The following NUP54 variants were observed in gnomAD, a reference collection of about 807,000 sequenced individuals.
NUP54 encodes nucleoporin 54.
In NUP54, 27 loss-of-function variants were observed where a neutral mutation model predicts 66.4. The ratio of observed to expected loss-of-function variants is 0.41; its 90% CI spans 0.30 to 0.56. The LOEUF (loss-of-function observed/expected upper bound fraction) is 0.56, where lower values mean the gene tolerates loss of function less well. Ranked by LOEUF, NUP54 falls within the 20% of genes least tolerant of loss-of-function variation. The pLI, the probability that NUP54 is intolerant of heterozygous loss-of-function variation, is 0.34. For missense variants in NUP54, 486 were observed against 596.3 expected, an observed-to-expected ratio of 0.82 and a Z score of 1.93; for synonymous variants, 206 against 210.7, an observed-to-expected ratio of 0.98 and a Z score of 0.19.
In NUP54 at chr4:76,136,446, A is replaced by G. The variant is rs535966364; in HGVS notation, c.296-34T>C. 7.8e-6 allele frequency: 12 copies of G among 1,545,890 alleles called. No individual in the cohort carries two copies. The African/African-American group carries it at 1.2e-4, about 16-fold the overall frequency. On this transcript the variant is annotated intron_variant, in intron 3 of 11. Transcript: ENST00000264883. ...GTACCCAAAATTAGTATTTAAAAAC[A>G]AAACAAAACAAAACTTAATCCAGAT... is the stretch of plus-strand genomic sequence containing the variant.
chr4:76,147,481 G>A, intron 1 of NUP54: 1 of 1,289,348 alleles, frequency 7.8e-7, no homozygotes, highest in Non-Finnish European at 1.0e-6. Context: ...GTATCTACCT[G>A]CACTTGCCAG....
At position 76,118,104 on chromosome 4, in the gene NUP54, C is replaced by T. The variant is rs765872679; in HGVS notation, c.1255G>A (p.Gly419Ser). 1.9e-6 allele frequency: 3 copies of T among 1,613,832 alleles called. No homozygotes were observed. Among genetic ancestry groups the T allele is most frequent in the Non-Finnish European group, 2.5e-6 (3 of 1,179,876 alleles). Residue 419 changes from glycine to serine, a missense_variant, in exon 10 of 12, where the codon GGT becomes AGT. Transcript: ENST00000264883. ...AACTGAGTAGGTGCATTTAGTTCAC[C>T]CTGAATCGTATCCAGCTGAACTCGC... ...QLRVQLDTIQ[G>S]ELNAPTQFKG...
intron 8 of NUP54, among the ~76,000 whole-genome samples, chr4:76,129,885 A>C (rs944128774): frequency 5.4e-5 from 6 of 111,182 alleles, no homozygotes; most frequent in African/African-American, 3.0e-5. Context: ...AAAAAAAAAA[A>C]AAACCTTAGC....
At chr4:76,143,475 G>T (rs1731352376) in intron 3 of NUP54, among the ~76,000 whole-genome samples, 1 of 152,144 alleles carries the variant, frequency 6.6e-6, no homozygotes, top group Non-Finnish European at 1.5e-5. Flanking sequence ...GTGGTGGTGT[G>T]CGCCTGTAGT....
chr4:76,122,609 A>G (rs1387067403), intron 9 of NUP54, among the ~76,000 whole-genome samples: 1 of 152,242 alleles, frequency 6.6e-6, no homozygotes, highest in Admixed American at 6.5e-5. Context: ...ACAAACAGAA[A>G]TGTAAAATGG....
At position 76,115,475 on chromosome 4, in the gene NUP54, T is replaced by C; in HGVS notation, c.1415A>G (p.Glu472Gly). The C allele has an allele frequency of 6.2e-7, 1 of 1,604,782 alleles. No individual in the cohort carries two copies. Among genetic ancestry groups the C allele is most frequent in the Non-Finnish European group, 8.5e-7 (1 of 1,176,908 alleles). The change falls in exon 12 of 12, where the codon GAA becomes GGA. Residue 472 changes from glutamate (E) to glycine (G), a missense_variant. Glu to Gly is a moderately conservative substitution (Grantham distance 98, BLOSUM62 -2). Coordinates refer to ENST00000264883, the MANE Select transcript of NUP54 (RefSeq NM_017426.4). ...GATGCTAATCAAATGGCTAAGGCCT[T>C]CCTGTTGTTGTTTCAAATGCTAGAA... The part of the protein sequence containing the change: ...EIKQHLKQQQ[E>G]GLSHLISIIK...
At position 76,114,685 on chromosome 4, in the gene NUP54, A is replaced by T. The variant is rs1234827793; in HGVS notation, c.*681T>A. On this transcript the variant is annotated 3_prime_UTR_variant, in exon 12 of 12. Transcript: ENST00000264883. ...TATATAAAAGTAATTACAAATTAAG[A>T]ATTTATTTATAAGTTTTCATCTTTT... 1 of 152,224 alleles carries T rather than the reference A, an allele frequency of 6.6e-6. No homozygotes were observed. The highest frequency in any genetic ancestry group is 2.4e-5 in the African/African-American group (1 of 41,456). The allele number at this position is 152,224 out of a possible 1,614,324, so 9.4% of individuals were successfully genotyped here.
intron 9 of NUP54, among the ~76,000 whole-genome samples, chr4:76,118,725 C>T (rs1300289503): frequency 1.3e-5 from 2 of 151,370 alleles, no homozygotes; most frequent in Non-Finnish European, 2.9e-5. Context: ...TATGGCTTGG[C>T]CGGGCGCGGT....
intron 8 of NUP54, among the ~76,000 whole-genome samples, chr4:76,126,139 A>T (rs1303607668): frequency 6.6e-6 from 1 of 152,152 alleles, no homozygotes; most frequent in Admixed American, 6.5e-5. Context: ...GAGGAAAAGG[A>T]ATGATATTAA....
Position 76,115,332 on chromosome 4 carries a change from C to G in NUP54, c.*34G>C, listed in dbSNP as rs1729901967. The G allele has an allele frequency of 6.5e-7, 1 of 1,529,712 alleles. No individual in the cohort carries two copies. Among genetic ancestry groups the G allele is most frequent in the South Asian group, 1.4e-5 (1 of 73,984 alleles). The allele number at this position is 1,529,712 out of a possible 1,614,324, so 94.8% of individuals were successfully genotyped here. On this transcript the variant is annotated 3_prime_UTR_variant, in exon 12 of 12. Transcript: ENST00000264883. ...GAAGGTCTGATGCAGTAAGAAGATG[C>G]ATTTCACAAACCTTTACACAAGTTT...
intron 1 of NUP54, chr4:76,145,887 C>G (rs1270724474): frequency 7.2e-6 from 2 of 276,030 alleles, no homozygotes; most frequent in African/African-American, 4.6e-5. Flanking sequence ...CAAGAGTAAG[C>G]TGCATGTTGC....
At position 76,144,230 on chromosome 4, in the gene NUP54, C is replaced by G; in HGVS notation, c.214G>C (p.Gly72Arg). The change falls in exon 3 of 12, where the codon GGA becomes CGA. Residue 72 changes from glycine to arginine, a missense_variant. Physicochemically the swap from Gly to Arg is moderately radical, Grantham distance 125. This residue lies in a region of NUP54 where 145 missense variants were observed against 137.1 expected (regional missense o/e 1.06). Coordinates refer to ENST00000264883, the MANE Select transcript of NUP54 (RefSeq NM_017426.4). ...GFGTGFGTTT[G>R]TSTGLGTGLG... The stretch of plus-strand genomic sequence containing the variant: ...CCAGTACCTAAACCAGTACTAGTTC[C>G]CGTTGTTGTGCCAAAACCAGTACCA... 6.2e-7 allele frequency: 1 copy of G among 1,613,552 alleles called. No homozygotes were observed. The highest frequency in any genetic ancestry group is 8.5e-7 in the Non-Finnish European group (1 of 1,179,532).
chr4:76,131,186 G>C (rs373170743), intron 7 of NUP54, 44 bp downstream of exon 7: 1 of 1,193,420 alleles, frequency 8.4e-7, no homozygotes, highest in Non-Finnish European at 1.2e-6. Flanking sequence ...TTTCCTAGTA[G>C]CAAATATTAG....
chr4:76,145,486 A>G (rs1731460279), intron 1 of NUP54: 1 of 861,596 alleles, frequency 1.2e-6, no homozygotes, highest in African/African-American at 1.9e-5. Flanking sequence ...GTCTAAATTA[A>G]CTTATATTTC....
chr4:76,139,668 T>G (rs565099590), intron 3 of NUP54, among the ~76,000 whole-genome samples: 4 of 152,212 alleles, frequency 2.6e-5, no homozygotes, highest in Non-Finnish European at 5.9e-5. Flanking sequence ...GGGTATTAGA[T>G]AGTACCAAGG....
intron 9 of NUP54, among the ~76,000 whole-genome samples, chr4:76,118,972 C>G (rs759849549): frequency 1.3e-5 from 2 of 152,194 alleles, no homozygotes; most frequent in East Asian, 2.0e-4. Flanking sequence ...CGCCACTGCA[C>G]TCCAGCCTGG....
Position 76,124,631 on chromosome 4 carries a change from GA to G in NUP54, c.1164+17del, listed in dbSNP as rs567094707. ...ACATAGTCTTATAAACACTGGGGGG[GA>G]AAATCCAAATTACTACCTGTAAAGT... On this transcript the variant is annotated intron_variant, in intron 9 of 11. Transcript: ENST00000264883. 833 of 1,241,290 alleles carry G rather than the reference GA, an allele frequency of 6.7e-4. No individual in the cohort carries two copies. The highest frequency in any genetic ancestry group is 9.2e-4 in the Non-Finnish European group (783 of 848,692). The allele number at this position is 1,241,290 out of a possible 1,614,324, so 76.9% of individuals were successfully genotyped here. A position where few individuals can be genotyped will look rare whatever the true frequency, so the allele number is the denominator to read the frequency against.
At chr4:76,130,867 G>C in intron 7 of NUP54, 118 bp from the exon 8 acceptor site, 2 of 684,376 alleles carry the variant, frequency 2.9e-6, no homozygotes, top group South Asian at 3.3e-5. Flanking sequence ...CTCTAAGGCA[G>C]ATCTATGACT....
intron 3 of NUP54, among the ~76,000 whole-genome samples, chr4:76,140,285 G>GTTT (rs35963995): frequency 6.1e-5 from 8 of 130,176 alleles, no homozygotes; most frequent in Non-Finnish European, 9.7e-5. Flanking sequence ...TTTCTCTTTG[G>GTTT]TTTTTTTTTT....
Sources: allele counts gnomAD v4.1 joint callset (sites outside exome capture counted in the v4.1 genomes callset), GRCh38; gene constraint gnomAD v4.1.1; regional missense constraint gnomAD v4.1.1; transcripts MANE v1.5; gene names NCBI Gene and HGNC (gene_info 2026-07-23, HGNC 2026-07-21).